EMSY: variants seen among roughly 807,000 people sequenced by gnomAD.
EMSY encodes the protein BRCA2-interacting transcriptional repressor EMSY.
In EMSY, 26 loss-of-function variants were observed where a neutral mutation model predicts 134.6. The observed-to-expected ratio is 0.19, with a 90% CI of 0.14 to 0.27. The LOEUF is 0.27. Among genes scored for constraint, EMSY ranks in the 10% least tolerant of loss-of-function variants. The probability of loss-of-function intolerance (pLI) is 1.00; values close to 1 mark genes in which losing one functional copy is unlikely to be tolerated. For synonymous variants in EMSY, 579 were observed against 577.8 expected (o/e 1.00, Z -0.03); for missense variants, 1,305 against 1,611.4 (o/e 0.81, Z 3.26).
intron 18 of EMSY, among the ~76,000 whole-genome samples, chr11:76,543,786 C>G (rs935199841): frequency 6.6e-6 from 1 of 152,180 alleles, no homozygotes; most frequent in Non-Finnish European, 1.5e-5. Context: ...GGGACTGGTA[C>G]AGGCACAGGT....
intron 8 of EMSY, among the ~76,000 whole-genome samples, chr11:76,486,325 A>G (rs1309994518): frequency 1.3e-5 from 2 of 152,138 alleles, no homozygotes; most frequent in African/African-American, 4.8e-5. Context: ...GGGTGCAGCA[A>G]AGCACCATGG....
At chr11:76,547,101 G>A (rs1454291073) in intron 20 of EMSY, 3 of 453,122 alleles carry the variant, frequency 6.6e-6, no homozygotes, top group Non-Finnish European at 1.3e-5. Context: ...TCCTTGCAAG[G>A]TATCAGGTTG....
chr11:76,522,936 T>G (rs1950698504), intron 11 of EMSY, among the ~76,000 whole-genome samples: 1 of 152,218 alleles, frequency 6.6e-6, no homozygotes, highest in South Asian at 2.1e-4. Flanking sequence ...TCTCAGATTC[T>G]AAAAAGATGA....
At chr11:76,461,729 C>G (rs188541962) in intron 6 of EMSY, among the ~76,000 whole-genome samples, 2 of 148,932 alleles carry the variant, frequency 1.3e-5, no homozygotes, top group Non-Finnish European at 1.5e-5. Context: ...GTCAGGCGTT[C>G]GAGACTAACC....
intron 5 of EMSY, chr11:76,459,224 G>C (rs1258345558): frequency 1.3e-5 from 2 of 152,150 alleles, no homozygotes; most frequent in Non-Finnish European, 2.9e-5. Context: ...TTTCCTAGCT[G>C]TATGACCTCC....
chr11:76,495,943 A>C (rs544249255), intron 8 of EMSY, among the ~76,000 whole-genome samples: 27 of 152,218 alleles, frequency 1.8e-4, no homozygotes, highest in African/African-American at 6.0e-4. Context: ...CCTGTCTGAT[A>C]ATTTGTTTCT....
intron 7 of EMSY, among the ~76,000 whole-genome samples, chr11:76,468,010 G>A (rs1014664452): frequency 2.0e-5 from 3 of 150,682 alleles, no homozygotes; most frequent in Admixed American, 1.3e-4. Context: ...AAAACTTAAC[G>A]TAGTACATAC....
intron 9 of EMSY, among the ~76,000 whole-genome samples, chr11:76,504,876 T>A (rs1007887784): frequency 6.6e-6 from 1 of 152,082 alleles, no homozygotes; most frequent in Non-Finnish European, 1.5e-5. Flanking sequence ...CTCAAAAAGA[T>A]TACATTAAGT....
chr11:76,448,468 A>G lies in EMSY; in HGVS notation c.70+1460A>G, dbSNP rs543627640. Reference sequence around the variant, plus strand: ...GATAGCTGAAATTGCAGAACATATCACAAAGACAGTAGATTGAATTGGGGT... The same window carrying G: ...GATAGCTGAAATTGCAGAACATATCGCAAAGACAGTAGATTGAATTGGGGT... On this transcript the variant is annotated intron_variant, in intron 2 of 20. Coordinates refer to ENST00000334736, the Ensembl canonical transcript of EMSY. Among the ~76,000 whole-genome samples the G allele has an allele frequency of 6.6e-5, 10 of 152,266 alleles. No individual in the cohort carries two copies. The South Asian group carries it at 2.1e-3, about 32-fold the overall frequency.
exon 15 of EMSY, chr11:76,536,051 A>G: frequency 1.3e-6 from 2 of 1,556,612 alleles, no homozygotes; most frequent in Non-Finnish European, 1.7e-6. Context: ...GAACTCCAAC[A>G]GACAACAGGT....
At chr11:76,447,126 A>T in intron 2 of EMSY, 118 bp downstream of exon 2, 1 of 931,042 alleles carries the variant, frequency 1.1e-6, no homozygotes, top group Non-Finnish European at 1.6e-6. Context: ...TTCTTTGGAG[A>T]TACAGTTCCC....
At chr11:76,461,930 TAAAAG>T (rs1004261405) in intron 6 of EMSY, among the ~76,000 whole-genome samples, 4 of 136,606 alleles carry the variant, frequency 2.9e-5, no homozygotes, top group African/African-American at 8.4e-5. Context: ...GCCTCCATCT[TAAAAG>T]AAAAGAAAAG....
At chr11:76,458,404 T>A (rs1300210020) in intron 5 of EMSY, 46 bp downstream of exon 6, 2 of 1,481,114 alleles carry the variant, frequency 1.4e-6, no homozygotes, top group Admixed American at 4.8e-5. Context: ...TTTCTTAGAA[T>A]CTTCAAGAAA....
exon 2 of EMSY, chr11:76,446,909 G>A (rs749400485): frequency 1.1e-5 from 17 of 1,603,878 alleles, no homozygotes; most frequent in East Asian, 2.2e-5. Flanking sequence ...GGGAGGACAA[G>A]CTCTTTGGGG....
intron 9 of EMSY, among the ~76,000 whole-genome samples, chr11:76,499,388 C>A (rs367978923): frequency 1.6e-4 from 24 of 146,298 alleles, no homozygotes; most frequent in African/African-American, 5.5e-4. Flanking sequence ...TCTGGGTTCA[C>A]ACCATTCTCC....
chr11:76,478,912 T>A (rs1365438190), intron 8 of EMSY, among the ~76,000 whole-genome samples: 2 of 152,078 alleles, frequency 1.3e-5, no homozygotes, highest in East Asian at 3.9e-4. Flanking sequence ...AACATCTTTG[T>A]GAATTTAATT....
chr11:76,499,211 T>G (rs1949761998), intron 9 of EMSY, among the ~76,000 whole-genome samples: 1 of 144,280 alleles, frequency 6.9e-6, no homozygotes, highest in Non-Finnish European at 1.5e-5. Flanking sequence ...TCCGCCCACC[T>G]CAGCCTTCCA....
At chr11:76,539,608 A>G (rs774330808) in exon 17 of EMSY, 1 of 1,613,866 alleles carries the variant, frequency 6.2e-7, no homozygotes, top group South Asian at 1.1e-5. Context: ...GAACGCACTG[A>G]TGAGGGGACA....
chr11:76,551,943 CAA>C (rs536631578), downstream of EMSY: 7 of 152,058 alleles, frequency 4.6e-5, no homozygotes, highest in African/African-American at 1.2e-4. Flanking sequence ...GATCAAGTAA[CAA>C]GAGCAAACTT....
Sources: gnomAD v4.1 joint callset for allele counts (sites outside exome capture counted in the v4.1 genomes callset) on GRCh38, gnomAD v4.1.1 for gene constraint, MANE v1.5 for transcripts, NCBI Gene and HGNC (gene_info 2026-07-23, HGNC 2026-07-21) for gene names.